The following GPR89B variants were observed in gnomAD, a reference collection of about 807,000 sequenced individuals.
GPR89B encodes the protein G protein-coupled receptor 89B.
A neutral mutation model predicts 52.4 loss-of-function variants in GPR89B; 25 were observed. That is an observed-to-expected ratio of 0.48 (90% CI 0.35 to 0.67). The LOEUF is 0.67. Ranked by LOEUF, GPR89B falls within the 30% of genes least tolerant of loss-of-function variation. The probability of loss-of-function intolerance (pLI) is 0.01; values close to 1 mark genes in which losing one functional copy is unlikely to be tolerated. For synonymous variants in GPR89B, 52 were observed against 151.2 expected, an observed-to-expected ratio of 0.34 and a Z score of 4.81; for missense variants, 146 against 450.2, an observed-to-expected ratio of 0.32 and a Z score of 6.11.
intron 7 of GPR89B, among the ~76,000 whole-genome samples, chr1:147,959,165 T>C (rs1656352316): frequency 2.6e-5 from 4 of 152,072 alleles, no homozygotes; most frequent in Non-Finnish European, 5.9e-5. Flanking sequence ...ACAAAAAAGT[T>C]AATGGTTTAA....
chr1:147,957,790 C>T (rs1394351946), intron 7 of GPR89B, among the ~76,000 whole-genome samples: 1 of 150,852 alleles, frequency 6.6e-6, no homozygotes, highest in Non-Finnish European at 1.5e-5. Flanking sequence ...AAAGGCCAGG[C>T]GCAGTGGCTC....
intron 10 of GPR89B, among the ~76,000 whole-genome samples, chr1:147,971,271 T>G (rs1657442282): frequency 6.6e-6 from 1 of 151,364 alleles, no homozygotes. Context: ...TGCCTCAGCC[T>G]CCCGAGTGGC....
chr1:147,954,996 G>T (rs1656009768), intron 7 of GPR89B, among the ~76,000 whole-genome samples: 2 of 151,474 alleles, frequency 1.3e-5, no homozygotes, highest in Non-Finnish European at 2.9e-5. Flanking sequence ...ATGTTGCAAA[G>T]AAAAAAAACC....
the GPR89B span, among the ~76,000 whole-genome samples, chr1:148,020,915 T>G: frequency 1.3e-5 from 2 of 151,662 alleles, no homozygotes; most frequent in African/African-American, 2.4e-5. Flanking sequence ...CTTGAACTAC[T>G]GACCTCACAT....
intron 10 of GPR89B, among the ~76,000 whole-genome samples, chr1:147,981,673 GAC>G (rs1305591946): frequency 6.6e-5 from 10 of 151,592 alleles, no homozygotes; most frequent in Non-Finnish European, 8.8e-5. Flanking sequence ...TTTGTTTTGA[GAC>G]ACAGTCTCAC....
At chr1:147,999,024 T>G in the GPR89B span, among the ~76,000 whole-genome samples, 6,261 of 151,290 alleles carry the variant, frequency 0.041, 182 homozygotes, top group African/African-American at 0.069. Flanking sequence ...AACCTACAGG[T>G]CTTACTTTGG....
At chr1:147,950,945 G>A (rs1216045959) in intron 5 of GPR89B, among the ~76,000 whole-genome samples, 1 of 152,136 alleles carries the variant, frequency 6.6e-6, no homozygotes, top group Non-Finnish European at 1.5e-5. Context: ...GAGGGAGACC[G>A]TGGGGAGAGG....
chr1:147,991,405 T>A (rs1198616746), intron 12 of GPR89B, among the ~76,000 whole-genome samples: 1 of 152,218 alleles, frequency 6.6e-6, no homozygotes, highest in Non-Finnish European at 1.5e-5. Flanking sequence ...CAGGGACAAT[T>A]TGACTTCCTC....
chr1:147,958,726 ACT>A (rs1208075066), intron 7 of GPR89B, among the ~76,000 whole-genome samples: 7 of 152,102 alleles, frequency 4.6e-5, no homozygotes, highest in Admixed American at 3.3e-4. Flanking sequence ...TAAGGAATTG[ACT>A]CTGATCTGTA....
the GPR89B span, among the ~76,000 whole-genome samples, chr1:148,004,225 C>T: frequency 6.7e-6 from 1 of 150,332 alleles, no homozygotes; most frequent in Non-Finnish European, 1.5e-5. Context: ...GGCACTATCT[C>T]AGCTCACTGC....
intron 1 of GPR89B, among the ~76,000 whole-genome samples, chr1:147,929,981 G>A (rs1653415438): frequency 1.3e-5 from 2 of 152,188 alleles, no homozygotes; most frequent in Admixed American, 6.5e-5. Flanking sequence ...ACCAATTTAA[G>A]AAAAATAACA....
At chr1:147,997,084 C>T (rs1659331098), downstream of GPR89B, among the ~76,000 whole-genome samples, 2 of 152,318 alleles carry the variant, frequency 1.3e-5, no homozygotes, top group Admixed American at 1.3e-4. Context: ...ACAAGCTATA[C>T]ATAATCTCCC....
chr1:147,980,846 A>AAAAAAAAAG (rs1658193554), intron 10 of GPR89B, among the ~76,000 whole-genome samples: 1 of 147,638 alleles, frequency 6.8e-6, no homozygotes, highest in African/African-American at 2.5e-5. Flanking sequence ...AAAAAAAAAA[A>AAAAAAAAAG]GAAATTCCAT....
intron 1 of GPR89B, among the ~76,000 whole-genome samples, chr1:147,931,156 A>T (rs1346884700): frequency 6.6e-6 from 1 of 152,046 alleles, no homozygotes; most frequent in African/African-American, 2.4e-5. Context: ...ACTAATAAAT[A>T]TTTGTTAAAT....
intron 11 of GPR89B, among the ~76,000 whole-genome samples, chr1:147,987,799 A>G (rs1349626199): frequency 2.0e-5 from 3 of 151,024 alleles, no homozygotes; most frequent in Admixed American, 1.3e-4. Flanking sequence ...ATGAAGCAAT[A>G]CAGGAGGAGA....
chr1:147,972,588 C>A (rs1657550059), intron 10 of GPR89B, among the ~76,000 whole-genome samples: 1 of 151,782 alleles, frequency 6.6e-6, no homozygotes, highest in African/African-American at 2.4e-5. Context: ...TATTGAGCAT[C>A]TTTTCATGTG....
At position 147,992,568 on chromosome 1, in the gene GPR89B, G is replaced by A; in HGVS notation, c.1161+1G>A. On this transcript the variant is annotated splice_donor_variant, in intron 13 of 13. Coordinates refer to ENST00000314163, the MANE Select transcript of GPR89B (RefSeq NM_016334.5). LOFTEE classifies it high-confidence loss of function. ...TGTCCTGCTATTAGCACAGATAATG[G>A]TAAGTTTAATTAGTTACCTTTATGT... The A allele has an allele frequency of 1.9e-6, 3 of 1,611,696 alleles. No individual in the cohort carries two copies. Among genetic ancestry groups the A allele is most frequent in the Non-Finnish European group, 2.5e-6 (3 of 1,179,662 alleles).
intron 5 of GPR89B, among the ~76,000 whole-genome samples, chr1:147,948,462 G>A (rs1553250153): frequency 6.6e-6 from 1 of 151,436 alleles, no homozygotes; most frequent in African/African-American, 2.4e-5. Flanking sequence ...GCATATCCAG[G>A]TGATGTTAAA....
the GPR89B span, among the ~76,000 whole-genome samples, chr1:148,018,358 G>C: frequency 5.5e-5 from 8 of 144,990 alleles, no homozygotes; most frequent in African/African-American, 2.1e-4. Context: ...GGCAGAGCTT[G>C]CAGTGAGCCA....
Sources: allele counts gnomAD v4.1 joint callset (sites outside exome capture counted in the v4.1 genomes callset), GRCh38; gene constraint gnomAD v4.1.1; transcripts MANE v1.5; gene names NCBI Gene and HGNC (gene_info 2026-07-23, HGNC 2026-07-21).